KLF12: variants seen among roughly 807,000 people sequenced by gnomAD.
The protein encoded by KLF12 is KLF transcription factor 12.
KLF12 carries 9 observed loss-of-function variants against 37.8 expected under a neutral mutation model. The ratio of observed to expected loss-of-function variants is 0.24; its 90% CI spans 0.14 to 0.42. The LOEUF (loss-of-function observed/expected upper bound fraction) is 0.42. Among genes scored for constraint, KLF12 ranks in the 10% least tolerant of loss-of-function variants. The pLI is 1.00. For synonymous variants in KLF12, 208 were observed against 202.1 expected (o/e 1.03, Z -0.25); for missense variants, 411 against 516.0 (o/e 0.80, Z 1.97).
intron 1 of KLF12, among the ~76,000 whole-genome samples, chr13:74,118,040 G>T (rs1877412397): frequency 6.6e-6 from 1 of 152,130 alleles, no homozygotes; most frequent in African/African-American, 2.4e-5. Flanking sequence ...ACAACGCCAT[G>T]GTAATTCTAC....
intron 1 of KLF12, among the ~76,000 whole-genome samples, chr13:74,073,715 A>G (rs1408133694): frequency 1.3e-5 from 2 of 152,214 alleles, no homozygotes; most frequent in Non-Finnish European, 2.9e-5. Context: ...AATACAAAGT[A>G]TAAGGATTGA....
the KLF12 span, among the ~76,000 whole-genome samples, chr13:74,167,693 C>T: frequency 0.033 from 5,008 of 152,242 alleles, 182 homozygotes; most frequent in African/African-American, 0.086. Context: ...TACTTAATCT[C>T]GTGTTTAATT....
intron 3 of KLF12, among the ~76,000 whole-genome samples, chr13:73,886,941 G>A (rs1457272695): frequency 6.7e-6 from 1 of 148,848 alleles, no homozygotes; most frequent in Non-Finnish European, 1.5e-5. Context: ...GCTGTGAGCT[G>A]AGATCCCGCC....
intron 1 of KLF12, among the ~76,000 whole-genome samples, chr13:74,122,388 T>A (rs1877681816): frequency 1.3e-5 from 2 of 152,082 alleles, no homozygotes; most frequent in African/African-American, 4.8e-5. Context: ...ACCACACAAT[T>A]ATCAGACTGG....
chr13:73,893,790 G>A (rs926193805), intron 3 of KLF12, among the ~76,000 whole-genome samples: 3 of 152,172 alleles, frequency 2.0e-5, no homozygotes, highest in Non-Finnish European at 2.9e-5. Context: ...AGAAACAGGT[G>A]CTGTGCTGGG....
the KLF12 span, among the ~76,000 whole-genome samples, chr13:74,235,862 G>T: frequency 6.6e-6 from 1 of 151,874 alleles, no homozygotes; most frequent in East Asian, 1.9e-4. Flanking sequence ...GTGGAATTTG[G>T]ATATACACAC....
intron 7 of KLF12, among the ~76,000 whole-genome samples, chr13:73,696,487 G>C (rs903306211): frequency 3.9e-5 from 6 of 152,174 alleles, no homozygotes; most frequent in African/African-American, 1.4e-4. Context: ...CTCCCAGGGG[G>C]AGTGGGACAA....
chr13:73,846,927 C>A (rs532679638), intron 3 of KLF12, among the ~76,000 whole-genome samples: 1 of 152,218 alleles, frequency 6.6e-6, no homozygotes, highest in South Asian at 2.1e-4. Flanking sequence ...TGCACAACTA[C>A]AAGTGACATT....
chr13:73,898,606 T>A (rs1378631561), intron 3 of KLF12, among the ~76,000 whole-genome samples: 1 of 152,194 alleles, frequency 6.6e-6, no homozygotes, highest in Non-Finnish European at 1.5e-5. Context: ...TGGAGTCATG[T>A]GTCCTCTGTC....
intron 6 of KLF12, among the ~76,000 whole-genome samples, chr13:73,725,833 GTATTTATTTATTTATTTATTTATTTATT>G (rs71919762): frequency 7.0e-6 from 1 of 142,192 alleles, no homozygotes; most frequent in African/African-American, 2.6e-5. Context: ...ATTTCAAAAT[GTATTTATTTATTTATTTATTTATTTATT>G]TATTTATTTA....
intron 1 of KLF12, among the ~76,000 whole-genome samples, chr13:74,120,360 T>G (rs1027365896): frequency 6.6e-6 from 1 of 152,082 alleles, no homozygotes; most frequent in African/African-American, 2.4e-5. Context: ...CAGGCGCCTA[T>G]CAGGAGCTAC....
chr13:74,167,918 T>C, the KLF12 span, among the ~76,000 whole-genome samples: 3 of 152,342 alleles, frequency 2.0e-5, no homozygotes, highest in South Asian at 4.1e-4. Context: ...CATGAGCATG[T>C]CTTAAAAATA....
the KLF12 span, among the ~76,000 whole-genome samples, chr13:74,157,509 G>A: frequency 3.3e-5 from 5 of 152,168 alleles, no homozygotes; most frequent in African/African-American, 1.2e-4. Flanking sequence ...GGTTGGCTAT[G>A]CTCACCCACC....
chr13:73,705,093 C>T (rs2137606855), intron 7 of KLF12, among the ~76,000 whole-genome samples: 1 of 152,242 alleles, frequency 6.6e-6, no homozygotes, highest in East Asian at 1.9e-4. Flanking sequence ...ACTTACAGTT[C>T]TAGTCTGCAA....
At chr13:73,815,887 G>C (rs1883188793) in intron 4 of KLF12, among the ~76,000 whole-genome samples, 1 of 152,188 alleles carries the variant, frequency 6.6e-6, no homozygotes, top group Non-Finnish European at 1.5e-5. Flanking sequence ...CCTTGTGTGA[G>C]AGTTGTTACA....
chr13:74,022,793 G>A (rs2138433651), intron 1 of KLF12, among the ~76,000 whole-genome samples: 2 of 151,774 alleles, frequency 1.3e-5, no homozygotes, highest in South Asian at 4.2e-4. Context: ...TGTCTGGGAA[G>A]GCCTTGAATT....
At chr13:74,201,692 C>T in the KLF12 span, among the ~76,000 whole-genome samples, 2 of 152,068 alleles carry the variant, frequency 1.3e-5, no homozygotes, top group Non-Finnish European at 2.9e-5. Context: ...TCAGAGGGAC[C>T]CAGGAGTTGG....
intron 1 of KLF12, among the ~76,000 whole-genome samples, chr13:74,019,730 C>T (rs1000197210): frequency 2.0e-5 from 3 of 152,076 alleles, no homozygotes; most frequent in Non-Finnish European, 2.9e-5. Context: ...CCTTTATTTC[C>T]TCAGCAAAAG....
chr13:74,229,400 T>C, the KLF12 span, among the ~76,000 whole-genome samples: 1 of 152,192 alleles, frequency 6.6e-6, no homozygotes, highest in South Asian at 2.1e-4. Flanking sequence ...ACATGCCAGG[T>C]TCACGAGTTC....
Sources: allele counts gnomAD v4.1 joint callset (sites outside exome capture counted in the v4.1 genomes callset), GRCh38; gene constraint gnomAD v4.1.1; transcripts MANE v1.5; gene names NCBI Gene and HGNC (gene_info 2026-07-23, HGNC 2026-07-21).